The following RBFOX1 variants were observed in gnomAD, a reference collection of about 807,000 sequenced individuals.
RBFOX1 encodes RNA binding protein fox-1 homolog 1.
Under a neutral mutation model 57.7 loss-of-function variants are expected in RBFOX1, and 8 were observed. That is an observed-to-expected ratio of 0.14 (90% confidence interval 0.08 to 0.25). The LOEUF (loss-of-function observed/expected upper bound fraction) is 0.25. RBFOX1 is among the 10% of genes least tolerant of loss of function. The probability of loss-of-function intolerance (pLI) is 1.00; values close to 1 mark genes in which losing one functional copy is unlikely to be tolerated. For missense variants in RBFOX1, 611 were observed against 548.5 expected (o/e 1.11, Z -1.14); for synonymous variants, 326 against 222.4 (o/e 1.47, Z -4.15).
intron 4 of RBFOX1, among the ~76,000 whole-genome samples, chr16:7,339,655 G>C (rs1014255415): frequency 2.0e-5 from 3 of 152,162 alleles, no homozygotes; most frequent in African/African-American, 7.2e-5. Flanking sequence ...GGCTGGGCTG[G>C]TCTTGAACTC....
chr16:5,800,785 C>T (rs374526776), intron 3 of RBFOX1, among the ~76,000 whole-genome samples: 4 of 152,250 alleles, frequency 2.6e-5, no homozygotes. Context: ...GCAAGGAAGA[C>T]GTCCTAGTGC....
At chr16:6,923,174 G>C (rs1008611307) in intron 3 of RBFOX1, among the ~76,000 whole-genome samples, 1 of 152,082 alleles carries the variant, frequency 6.6e-6, no homozygotes, top group Non-Finnish European at 1.5e-5. Flanking sequence ...AAATACCCTG[G>C]TCCCTGCTCC....
chr16:6,518,129 A>G (rs1424724158), intron 2 of RBFOX1, among the ~76,000 whole-genome samples: 9 of 152,108 alleles, frequency 5.9e-5, no homozygotes, highest in South Asian at 2.1e-4. Flanking sequence ...GAAAATGTGG[A>G]TTTGTTTTTT....
chr16:5,790,062 T>A (rs1485083355), intron 3 of RBFOX1, among the ~76,000 whole-genome samples: 5 of 152,224 alleles, frequency 3.3e-5, no homozygotes, highest in Non-Finnish European at 5.9e-5. Flanking sequence ...CCCTTGTGGT[T>A]ATTCGGGACT....
chr16:6,062,934 T>C (rs556314115), intron 1 of RBFOX1, among the ~76,000 whole-genome samples: 9 of 152,218 alleles, frequency 5.9e-5, no homozygotes, highest in African/African-American at 2.2e-4. Flanking sequence ...TGTGTTACAG[T>C]CTTAAGGCAC....
chr16:7,508,666 A>G (rs2074137984), intron 4 of RBFOX1, among the ~76,000 whole-genome samples: 1 of 152,138 alleles, frequency 6.6e-6, no homozygotes, highest in South Asian at 2.1e-4. Flanking sequence ...TTTCTTTCCA[A>G]CCTTGTAGAG....
intron 3 of RBFOX1, among the ~76,000 whole-genome samples, chr16:6,952,596 C>T (rs1308262875): frequency 6.6e-6 from 1 of 151,924 alleles, no homozygotes; most frequent in East Asian, 1.9e-4. Flanking sequence ...CATGATCATG[C>T]CACTGGACTA....
At chr16:5,606,293 G>T (rs2047575804) in intron 3 of RBFOX1, among the ~76,000 whole-genome samples, 1 of 152,032 alleles carries the variant, frequency 6.6e-6, no homozygotes, top group Admixed American at 6.6e-5. Flanking sequence ...GCAGACCTTT[G>T]CTTAGGCTAT....
intron 1 of RBFOX1, among the ~76,000 whole-genome samples, chr16:6,161,859 A>T (rs1250132135): frequency 6.6e-6 from 1 of 152,200 alleles, no homozygotes; most frequent in Non-Finnish European, 1.5e-5. Context: ...AATCACTGGG[A>T]ACAAACTTTG....
At chr16:6,778,604 C>G (rs913422009) in intron 3 of RBFOX1, among the ~76,000 whole-genome samples, 3 of 152,074 alleles carry the variant, frequency 2.0e-5, no homozygotes, top group African/African-American at 7.2e-5. Flanking sequence ...CAAACGAGGA[C>G]TATAGAATGC....
chr16:7,458,095 C>T (rs1248884560), intron 4 of RBFOX1, among the ~76,000 whole-genome samples: 2 of 152,146 alleles, frequency 1.3e-5, no homozygotes, highest in Admixed American at 6.5e-5. Context: ...CAGAACAAAG[C>T]TTCCTGTTCT....
chr16:6,285,011 A>T (rs145887882), intron 1 of RBFOX1, among the ~76,000 whole-genome samples: 1,942 of 152,330 alleles, frequency 0.013, 22 homozygotes, highest in Admixed American at 0.02. Flanking sequence ...TCAAAGAAAC[A>T]TTCACAGTTA....
At chr16:7,474,668 G>A (rs2062265434) in intron 4 of RBFOX1, among the ~76,000 whole-genome samples, 1 of 152,276 alleles carries the variant, frequency 6.6e-6, no homozygotes, top group African/African-American at 2.4e-5. Context: ...CTTATTACTT[G>A]TGTAACTCTG....
At chr16:5,680,909 G>C (rs947629119) in intron 3 of RBFOX1, among the ~76,000 whole-genome samples, 1 of 152,072 alleles carries the variant, frequency 6.6e-6, no homozygotes, top group African/African-American at 2.4e-5. Flanking sequence ...GTGTGTGTGT[G>C]TGTGCTTGGT....
chr16:5,449,101 A>G (rs921507564), intron 1 of RBFOX1, among the ~76,000 whole-genome samples: 20 of 152,092 alleles, frequency 1.3e-4, no homozygotes, highest in African/African-American at 4.8e-4. Flanking sequence ...GCACACTTCT[A>G]GCTCTGAATC....
At chr16:5,714,291 C>G (rs577649897) in intron 3 of RBFOX1, among the ~76,000 whole-genome samples, 2 of 152,172 alleles carry the variant, frequency 1.3e-5, no homozygotes, top group Admixed American at 6.5e-5. Flanking sequence ...TGATAATGTT[C>G]TGATTCTGAG....
intron 4 of RBFOX1, among the ~76,000 whole-genome samples, chr16:5,906,273 A>G (rs1286052784): frequency 6.6e-6 from 1 of 152,212 alleles, no homozygotes; most frequent in East Asian, 1.9e-4. Context: ...TGGGCCCCAA[A>G]TGAAGTATGA....
Position 7,049,568 on chromosome 16 carries a change from A to G in RBFOX1, c.-15-2489A>G, listed in dbSNP as rs74008549. Among the ~76,000 whole-genome samples the G allele has an allele frequency of 5.9e-5, 9 of 152,196 alleles. No homozygotes were observed. The East Asian group carries it at 1.7e-3, about 29-fold the overall frequency. On this transcript the variant is annotated intron_variant, in intron 3 of 15. Transcript: ENST00000550418. ...CAGAGTGCTTCTCCTGAGTCTTTAT[A>G]TGGCTGGGTGTCTGATTTTCAGCCC...
chr16:6,619,497 A>T (rs2098194387), intron 2 of RBFOX1, among the ~76,000 whole-genome samples: 1 of 152,104 alleles, frequency 6.6e-6, no homozygotes, highest in African/African-American at 2.4e-5. Context: ...CATTAAACTT[A>T]TGCCTTTCTG....
Sources: gnomAD v4.1 joint callset for allele counts (sites outside exome capture counted in the v4.1 genomes callset) on GRCh38, gnomAD v4.1.1 for gene constraint, MANE v1.5 for transcripts, NCBI Gene and HGNC (gene_info 2026-07-23, HGNC 2026-07-21) for gene names.